HERC2: variants seen among roughly 807,000 people sequenced by gnomAD.
HERC2 encodes E3 ubiquitin-protein ligase HERC2.
Under a neutral mutation model 537.7 loss-of-function variants are expected in HERC2, and 102 were observed. The observed-to-expected ratio is 0.19, with a 90% confidence interval of 0.16 to 0.22. HERC2 has a LOEUF of 0.22. Among genes scored for constraint, HERC2 ranks in the 10% least tolerant of loss-of-function variants. The pLI, the probability that HERC2 is intolerant of heterozygous loss-of-function variation, is 1.00. For synonymous variants in HERC2, 2,224 were observed against 2,466.2 expected, an observed-to-expected ratio of 0.90 and a Z score of 2.91; for missense variants, 4,236 against 6,198.2, an observed-to-expected ratio of 0.68 and a Z score of 10.63.
chr15:28,283,050 A>G (rs1366652127), intron 4 of HERC2, among the ~76,000 whole-genome samples: 1 of 150,558 alleles, frequency 6.6e-6, no homozygotes, highest in Admixed American at 6.6e-5. Context: ...AAAAAAAAAA[A>G]AAAAAAAAAC....
Position 28,194,353 on chromosome 15 carries a change from A to G in HERC2, c.8260+1862T>C, listed in dbSNP as rs978709873. On this transcript the variant is annotated intron_variant, in intron 52 of 92. Transcript: ENST00000261609. ...TGCTGGGATTACAGGTGTGGATCAC[A>G]AGGTCAGGAGATCGAGACCATCCTG... is the stretch of plus-strand genomic sequence containing the variant. 4.2e-5 allele frequency among the ~76,000 whole-genome samples: 6 copies of G among 144,128 alleles called. No homozygotes were observed. In the South Asian group the frequency reaches 7.1e-4, roughly 17 times the overall value. 94.6% of individuals were successfully genotyped at this position (144,128 alleles called of 152,430 possible). A position where few individuals can be genotyped will look rare whatever the true frequency, so the allele number is the denominator to read the frequency against.
At chr15:28,279,908 T>C (rs2075979065) in intron 5 of HERC2, 160 bp downstream of exon 5, 5 of 625,416 alleles carry the variant, frequency 8.0e-6, no homozygotes, top group East Asian at 5.5e-5. Context: ...AATTGGCAAA[T>C]CCATTCTCCA....
intron 2 of HERC2, among the ~76,000 whole-genome samples, chr15:28,301,053 G>C (rs1301233551): frequency 6.6e-6 from 1 of 151,916 alleles, no homozygotes; most frequent in Admixed American, 6.6e-5. Context: ...TAGGGCTCTA[G>C]GGAAAATAAG....
At chr15:28,316,333 T>G (rs1229329746) in intron 2 of HERC2, among the ~76,000 whole-genome samples, 1 of 151,826 alleles carries the variant, frequency 6.6e-6, no homozygotes, top group Non-Finnish European at 1.5e-5. Context: ...GAACCAAAGT[T>G]AAAAGTTAGT....
Position 28,310,885 on chromosome 15 carries a change from G to A in HERC2, c.72+10477C>T, listed in dbSNP as rs554223629. ...GAAGTCAGGAGATAAAGACCATCCC[G>A]GCTAACACAGCGAAACCCCATCTCT... On this transcript the variant is annotated intron_variant, in intron 2 of 92. Transcript: ENST00000261609. 2.8e-4 allele frequency among the ~76,000 whole-genome samples: 43 copies of A among 151,922 alleles called. No individual in the cohort carries two copies. In the South Asian group the frequency reaches 4.0e-3, roughly 14 times the overall value.
At position 28,257,241 on chromosome 15, in the gene HERC2, A is replaced by G. The variant is rs1355611926; in HGVS notation, c.2337T>C (p.Cys779=). 6.2e-7 allele frequency: 1 copy of G among 1,613,916 alleles called. No homozygotes were observed. The highest frequency in any genetic ancestry group is 2.2e-5 in the East Asian group (1 of 44,872). Residue 779 remains cysteine (C), a synonymous_variant, in exon 17 of 93, where the codon TGT becomes TGC. Coordinates refer to ENST00000261609, the MANE Select transcript of HERC2 (RefSeq NM_004667.6). ...CACGGAGGCCAATGGACCACTCAGA[A>G]CATGATGACCAAGCAAAGCTCTAAG... ...GPAQSFAWSS[C]SEWSIGLRVP...
chr15:28,143,903 AAGC>A lies in HERC2; in HGVS notation c.11385_11387del (p.Leu3796del). 1 of 1,614,104 alleles carries A rather than the reference AAGC, an allele frequency of 6.2e-7. No individual in the cohort carries two copies. The highest frequency in any genetic ancestry group is 1.7e-5 in the Admixed American group (1 of 60,006). ...CTCTTGTTTCCCCATCATTTTCTCCAAGCAGCCTATTTATGTTAATTGACTGCC... is the reference window on the plus strand; with the variant it reads ...CTCTTGTTTCCCCATCATTTTCTCCAAGCCTATTTATGTTAATTGACTGCC... On this transcript the variant is annotated inframe_deletion, in exon 74 of 93. Coordinates refer to ENST00000261609, the MANE Select transcript of HERC2 (RefSeq NM_004667.6).
intron 20 of HERC2, among the ~76,000 whole-genome samples, chr15:28,249,472 G>A (rs1460125401): frequency 6.6e-6 from 1 of 152,178 alleles, no homozygotes; most frequent in Admixed American, 6.5e-5. Context: ...AGTTAGGAGA[G>A]CAGTGAATGT....
rs146329700 is a variant in HERC2, at chr15:28,228,287, C to A, written c.5395G>T (p.Ala1799Ser). The A allele has an allele frequency of 6.2e-7, 1 of 1,613,100 alleles. No homozygotes were observed. Among genetic ancestry groups the A allele is most frequent in the South Asian group, 1.1e-5 (1 of 91,016 alleles). ...MLSMLTLQHG[A>S]NNLDLLLNSG... The stretch of plus-strand genomic sequence containing the variant: ...TTGAGCAGAAGGTCGAGGTTGTTTG[C>A]GCCGTGCTGCAGGGTGAGCATGCTG... Residue 1799 changes from alanine (A) to serine (S), a missense_variant, in exon 35 of 93, where the codon GCA becomes TCA. Around this residue, in one of 27 missense-constraint regions of HERC2, gnomAD observed 343 missense variants for 417.2 expected, o/e 0.82. Coordinates refer to ENST00000261609, the MANE Select transcript of HERC2 (RefSeq NM_004667.6).
At chr15:28,157,245 G>A (rs563330285) in intron 69 of HERC2, among the ~76,000 whole-genome samples, 218 of 152,260 alleles carry the variant, frequency 1.4e-3, no homozygotes, top group African/African-American at 5.2e-3. Context: ...GTATCAGGAT[G>A]GTGCTGGCCT....
chr15:28,167,826 A>G lies in HERC2; in HGVS notation c.10415T>C (p.Ile3472Thr), dbSNP rs1257406947. The G allele has an allele frequency of 1.2e-6, 2 of 1,612,206 alleles. No homozygotes were observed. Among genetic ancestry groups the G allele is most frequent in the African/African-American group, 1.3e-5 (1 of 74,792 alleles). The change falls in exon 68 of 93, where the codon ATT (isoleucine) becomes ACT (threonine). Residue 3472 changes from isoleucine to threonine, a missense_variant and splice_region_variant. Physicochemically the swap from Ile to Thr is moderately conservative, Grantham distance 89 (BLOSUM62 -1). Coordinates refer to ENST00000261609, the MANE Select transcript of HERC2 (RefSeq NM_004667.6). ...GGTCACTGCGTCCTCAGAGGAAACA[A>G]TCTAGTCCAAGAGTGCACAGTAGGG... The part of the protein sequence containing the change: ...SPNPWQEKRE[I>T]VSSEDAVTPS...
chr15:28,248,918 G>C lies in HERC2; in HGVS notation c.3051-182C>G, dbSNP rs1257669912. 3.9e-5 allele frequency among the ~76,000 whole-genome samples: 6 copies of C among 152,144 alleles called. No homozygotes were observed. The East Asian group carries it at 9.6e-4, about 24-fold the overall frequency. On this transcript the variant is annotated intron_variant, in intron 20 of 92. Coordinates refer to ENST00000261609, the MANE Select transcript of HERC2 (RefSeq NM_004667.6). ...CAACAAGCGCAACCTCAGCCAAAAC[G>C]GAGCAGAAGGGCACGGAAGGCTCAA...
intron 2 of HERC2, among the ~76,000 whole-genome samples, chr15:28,313,699 G>A (rs2077006231): frequency 6.6e-6 from 1 of 152,124 alleles, no homozygotes; most frequent in Non-Finnish European, 1.5e-5. Flanking sequence ...TTGAACGTAG[G>A]ACAACATATA....
At chr15:28,280,762 T>C (rs2076001450) in intron 4 of HERC2, among the ~76,000 whole-genome samples, 2 of 151,858 alleles carry the variant, frequency 1.3e-5, no homozygotes, top group African/African-American at 4.8e-5. Context: ...ATACAAAAAT[T>C]AGCCGAGTGT....
chr15:28,160,030 G>A (rs775348696), intron 69 of HERC2, among the ~76,000 whole-genome samples: 23 of 152,330 alleles, frequency 1.5e-4, no homozygotes, highest in East Asian at 1.9e-4. Context: ...TATCAGCAGC[G>A]GAGGCTGCAG....
In HERC2 at chr15:28,222,176, G is replaced by A. The variant is rs1394265536; in HGVS notation, c.5504C>T (p.Ser1835Phe). ...CDNVEEDMNA[S>F]AQGASATVLE... Reference sequence around the variant, plus strand: ...AACTGTGGCAGAAGCACCTTGAGCAGAAGCATTCATATCTTCCTCAACGTT... The same window carrying A: ...AACTGTGGCAGAAGCACCTTGAGCAAAAGCATTCATATCTTCCTCAACGTT... The change falls in exon 36 of 93, where the codon TCT becomes TTT. Residue 1835 changes from serine to phenylalanine, a missense_variant. Around this residue, in one of 27 missense-constraint regions of HERC2, gnomAD observed 343 missense variants for 417.2 expected, o/e 0.82. Coordinates refer to ENST00000261609, the MANE Select transcript of HERC2 (RefSeq NM_004667.6). 6 of 1,589,312 alleles carry A rather than the reference G, an allele frequency of 3.8e-6. No individual in the cohort carries two copies. Among genetic ancestry groups the A allele is most frequent in the Non-Finnish European group, 5.1e-6 (6 of 1,172,590 alleles).
At position 28,248,747 on chromosome 15, in the gene HERC2, A is replaced by G; in HGVS notation, c.3051-11T>C. ...TGAGAAGCAATGTTTCTATACAGGA[A>G]AGAAGAGGATTACAAAATTAAACAA... On this transcript the variant is annotated splice_polypyrimidine_tract_variant and intron_variant, in intron 20 of 92. Coordinates refer to ENST00000261609, the MANE Select transcript of HERC2 (RefSeq NM_004667.6). The G allele has an allele frequency of 6.2e-7, 1 of 1,600,920 alleles. No individual in the cohort carries two copies. The highest frequency in any genetic ancestry group is 8.5e-7 in the Non-Finnish European group (1 of 1,171,204).
intron 35 of HERC2, among the ~76,000 whole-genome samples, chr15:28,227,204 G>A (rs1297641829): frequency 1.3e-5 from 2 of 152,136 alleles, no homozygotes; most frequent in East Asian, 3.9e-4. Context: ...GAACCCGGGA[G>A]GCGGAGGTTG....
At chr15:28,200,421 C>A (rs1334858341) in intron 48 of HERC2, among the ~76,000 whole-genome samples, 1 of 151,840 alleles carries the variant, frequency 6.6e-6, no homozygotes, top group Non-Finnish European at 1.5e-5. Flanking sequence ...AAAAAGGTAG[C>A]CACCTACAAG....
Sources: allele counts gnomAD v4.1 joint callset (sites outside exome capture counted in the v4.1 genomes callset), GRCh38; gene constraint gnomAD v4.1.1; regional missense constraint gnomAD v4.1.1; transcripts MANE v1.5; gene names NCBI Gene and HGNC (gene_info 2026-07-23, HGNC 2026-07-21).